C9: variants seen among roughly 807,000 people sequenced by gnomAD.
C9 encodes complement C9.
Under a neutral mutation model 65.4 loss-of-function variants are expected in C9, and 63 were observed. The ratio of observed to expected loss-of-function variants is 0.96; its 90% CI spans 0.79 to 1.19. The LOEUF (loss-of-function observed/expected upper bound fraction) is 1.19, where lower values mean the gene tolerates loss of function less well. Among genes scored for constraint, C9 ranks in the 50% most tolerant of loss-of-function variants. The probability of loss-of-function intolerance (pLI) is 0.00; values close to 1 mark genes in which losing one functional copy is unlikely to be tolerated. For missense variants in C9, 744 were observed against 670.1 expected (o/e 1.11, Z -1.22); for synonymous variants, 229 against 227.9 (o/e 1.00, Z -0.04).
intron 9 of C9, among the ~76,000 whole-genome samples, chr5:39,295,923 T>C (rs1347344298): frequency 6.6e-6 from 1 of 151,458 alleles, no homozygotes; most frequent in Non-Finnish European, 1.5e-5. Context: ...CCAAGAAAAA[T>C]AACTGGTTTC....
intron 5 of C9, among the ~76,000 whole-genome samples, chr5:39,323,478 G>A (rs547038734): frequency 6.7e-6 from 1 of 150,160 alleles, no homozygotes; most frequent in South Asian, 2.1e-4. Flanking sequence ...CAATGATCAA[G>A]TGAGATTTAT....
intron 1 of C9, among the ~76,000 whole-genome samples, chr5:39,361,305 GT>G (rs1754514629): frequency 6.6e-6 from 1 of 152,130 alleles, no homozygotes; most frequent in South Asian, 2.1e-4. Flanking sequence ...GCGAAGAAGT[GT>G]TTTTAAACTC....
chr5:39,320,283 A>G (rs1003636601), intron 5 of C9, among the ~76,000 whole-genome samples: 1 of 152,184 alleles, frequency 6.6e-6, no homozygotes, highest in Non-Finnish European at 1.5e-5. Context: ...AAAAAAATAC[A>G]TGAACAAAAT....
chr5:39,341,041 C>T (rs1398443483), intron 4 of C9, 105 bp downstream of exon 4: 4 of 1,225,960 alleles, frequency 3.3e-6, no homozygotes, highest in Non-Finnish European at 4.8e-6. Context: ...TCAGCTGTAT[C>T]ACCTATGTCC....
At chr5:39,311,838 AATC>A (rs965710093) in intron 6 of C9, among the ~76,000 whole-genome samples, 5 of 152,242 alleles carry the variant, frequency 3.3e-5, no homozygotes, top group East Asian at 1.9e-4. Context: ...ATGGAATACT[AATC>A]ATCAATAAAA....
intron 9 of C9, among the ~76,000 whole-genome samples, chr5:39,306,162 CAA>C (rs541310785): frequency 0.062 from 6,332 of 101,816 alleles, 124 homozygotes; most frequent in East Asian, 0.091. Context: ...GACTCTGTCT[CAA>C]AAAAAAAAAA....
intron 5 of C9, among the ~76,000 whole-genome samples, chr5:39,322,169 G>T (rs892089557): frequency 1.1e-4 from 16 of 152,002 alleles, no homozygotes; most frequent in Admixed American, 1.0e-3. Flanking sequence ...GATCACAATG[G>T]TATGAAGCTA....
chr5:39,334,795 C>A (rs1193888959), intron 4 of C9, among the ~76,000 whole-genome samples: 2 of 152,110 alleles, frequency 1.3e-5, no homozygotes, highest in East Asian at 3.8e-4. Flanking sequence ...CTCTGCCCGG[C>A]CGCCACCCCA....
Position 39,305,782 on chromosome 5 carries a change from T to C in C9, c.1416+835A>G, listed in dbSNP as rs560419702. ...AAGCTGAAAACTATTATAATCAAGA[T>C]AGAAAAAGGAAAAAAATCTACTGAC... On this transcript the variant is annotated intron_variant, in intron 9 of 10. Transcript: ENST00000263408. 3.3e-5 allele frequency among the ~76,000 whole-genome samples: 5 copies of C among 151,908 alleles called. No individual in the cohort carries two copies. In the East Asian group the frequency reaches 5.8e-4, roughly 18 times the overall value.
intron 9 of C9, among the ~76,000 whole-genome samples, chr5:39,295,954 T>C (rs1055756724): frequency 1.4e-4 from 22 of 151,732 alleles, no homozygotes; most frequent in African/African-American, 5.3e-4. Context: ...TTTCAATAAA[T>C]TGTGCTAGGA....
At chr5:39,321,339 A>T (rs1753664478) in intron 5 of C9, among the ~76,000 whole-genome samples, 2 of 152,156 alleles carry the variant, frequency 1.3e-5, no homozygotes, top group African/African-American at 4.8e-5. Context: ...CTAACAGTTT[A>T]AAATAGCCTA....
chr5:39,358,868 C>T (rs1938628916), intron 1 of C9, among the ~76,000 whole-genome samples: 1 of 151,134 alleles, frequency 6.6e-6, no homozygotes, highest in African/African-American at 2.4e-5. Context: ...GCCTGTAGTC[C>T]CAGCTACTAG....
chr5:39,331,075 T>A (rs73078515), intron 5 of C9, among the ~76,000 whole-genome samples: 196 of 152,290 alleles, frequency 1.3e-3, no homozygotes, highest in African/African-American at 4.5e-3. Context: ...AAAGAAAGAA[T>A]TTCTAAAGGT....
intron 1 of C9, among the ~76,000 whole-genome samples, chr5:39,344,520 T>G (rs1053972335): frequency 6.6e-6 from 1 of 152,198 alleles, no homozygotes; most frequent in Non-Finnish European, 1.5e-5. Flanking sequence ...TATGGGACTA[T>G]GTGAAAAGAT....
At chr5:39,337,541 CT>C (rs1411226756) in intron 4 of C9, among the ~76,000 whole-genome samples, 25 of 152,260 alleles carry the variant, frequency 1.6e-4, no homozygotes, top group African/African-American at 6.0e-4. Flanking sequence ...TTTGGCAGTG[CT>C]TATAGATGCC....
Position 39,311,238 on chromosome 5 carries a change from G to T in C9, c.1010C>A (p.Ala337Asp), listed in dbSNP as rs761632063. Reference sequence around the variant, plus strand: ...GTGAGTTCCATAGGTTTCCAAAAAGGCAAAATATTCTCCCTTTTCATAGGT... The same window carrying T: ...GTGAGTTCCATAGGTTTCCAAAAAGTCAAAATATTCTCCCTTTTCATAGGT... ...PTTYEKGEYF[A>D]FLETYGTHYS... The change falls in exon 7 of 11, where the codon GCC (alanine) becomes GAC (aspartate). Residue 337 changes from alanine to aspartate, a missense_variant. Coordinates refer to ENST00000263408, the MANE Select transcript of C9 (RefSeq NM_001737.5). The T allele has an allele frequency of 1.2e-6, 2 of 1,613,688 alleles. No homozygotes were observed. The highest frequency in any genetic ancestry group is 3.3e-5 in the Admixed American group (2 of 59,996).
chr5:39,286,571 AC>A (rs1380044274), intron 10 of C9, among the ~76,000 whole-genome samples: 1 of 152,030 alleles, frequency 6.6e-6, no homozygotes, highest in Non-Finnish European at 1.5e-5. Flanking sequence ...AAATGGATCG[AC>A]TATACAAAGT....
Position 39,311,225 on chromosome 5 carries a change from G to T in C9, c.1023C>A (p.Thr341=), listed in dbSNP as rs1454780410. The T allele has an allele frequency of 1.2e-6, 2 of 1,613,496 alleles. No homozygotes were observed. Among genetic ancestry groups the T allele is most frequent in the Admixed American group, 3.3e-5 (2 of 59,998 alleles). The stretch of plus-strand genomic sequence containing the variant: ...CAGAGCTACTGTAGTGAGTTCCATA[G>T]GTTTCCAAAAAGGCAAAATATTCTC... ...EKGEYFAFLE[T]YGTHYSSSGS... The change falls in exon 7 of 11, where the codon ACC becomes ACA. Residue 341 remains threonine (T), a synonymous_variant. Coordinates refer to ENST00000263408, the MANE Select transcript of C9 (RefSeq NM_001737.5).
At chr5:39,361,157 T>C (rs1428101821) in intron 1 of C9, among the ~76,000 whole-genome samples, 1 of 151,532 alleles carries the variant, frequency 6.6e-6, no homozygotes, top group Non-Finnish European at 1.5e-5. Flanking sequence ...ATAGTATATA[T>C]AATATGATAT....
Sources: allele counts gnomAD v4.1 joint callset (sites outside exome capture counted in the v4.1 genomes callset), GRCh38; gene constraint gnomAD v4.1.1; transcripts MANE v1.5; gene names NCBI Gene and HGNC (gene_info 2026-07-23, HGNC 2026-07-21).